ZNF827: variants seen among roughly 807,000 people sequenced by gnomAD.
ZNF827 encodes zinc finger protein 827.
In ZNF827, 13 loss-of-function variants were observed where a neutral mutation model predicts 102.4. That is an observed-to-expected ratio of 0.13 (90% CI 0.08 to 0.20). The LOEUF (loss-of-function observed/expected upper bound fraction) is 0.20, where lower values mean the gene tolerates loss of function less well. ZNF827 is among the 10% of genes least tolerant of loss of function. ZNF827 has a pLI of 1.00. For synonymous variants in ZNF827, 523 were observed against 536.2 expected (o/e 0.98, Z 0.34); for missense variants, 1,103 against 1,344.4 (o/e 0.82, Z 2.81).
At chr4:145,842,617 T>A (rs933481604) in intron 7 of ZNF827, among the ~76,000 whole-genome samples, 135 of 152,202 alleles carry the variant, frequency 8.9e-4, no homozygotes, top group Non-Finnish European at 3.1e-4. Flanking sequence ...GTTTTGTGTC[T>A]CTTCTCCCTA....
chr4:145,877,149 A>G (rs1197077331), intron 4 of ZNF827, among the ~76,000 whole-genome samples: 1 of 152,216 alleles, frequency 6.6e-6, no homozygotes, highest in Non-Finnish European at 1.5e-5. Flanking sequence ...TTACTTTACA[A>G]TAAGAACACA....
intron 8 of ZNF827, among the ~76,000 whole-genome samples, chr4:145,781,942 T>C (rs1579161014): frequency 6.6e-6 from 1 of 152,168 alleles, no homozygotes; most frequent in Non-Finnish European, 1.5e-5. Flanking sequence ...CAAGTATCAA[T>C]CATGTACTCG....
chr4:145,790,064 C>G (rs1294863067), intron 8 of ZNF827, among the ~76,000 whole-genome samples: 2 of 152,184 alleles, frequency 1.3e-5, no homozygotes, highest in Non-Finnish European at 2.9e-5. Context: ...GAATGAGACC[C>G]TTATAGTCTG....
chr4:145,889,542 A>G (rs1750415118), intron 3 of ZNF827, among the ~76,000 whole-genome samples: 2 of 148,532 alleles, frequency 1.3e-5, no homozygotes, highest in South Asian at 4.3e-4. Flanking sequence ...ATCTCTGGCT[A>G]TACTGACCCC....
chr4:145,810,205 T>C (rs942608088), intron 8 of ZNF827, among the ~76,000 whole-genome samples: 1 of 152,220 alleles, frequency 6.6e-6, no homozygotes, highest in Non-Finnish European at 1.5e-5. Context: ...ATTTGTAACC[T>C]GCTTTATAGT....
At chr4:145,778,583 G>GC in intron 9 of ZNF827, among the ~76,000 whole-genome samples, 2 of 152,156 alleles carry the variant, frequency 1.3e-5, no homozygotes, top group Non-Finnish European at 2.9e-5. Context: ...CTGCACTCCA[G>GC]TCTGGGTGAC....
intron 1 of ZNF827, among the ~76,000 whole-genome samples, chr4:145,926,452 G>T (rs1753429853): frequency 6.6e-6 from 1 of 152,124 alleles, no homozygotes; most frequent in South Asian, 2.1e-4. Flanking sequence ...ACCAATCTGG[G>T]ATTCAATACT....
chr4:145,836,555 T>C (rs1430377181), intron 7 of ZNF827, among the ~76,000 whole-genome samples: 2 of 152,230 alleles, frequency 1.3e-5, no homozygotes, highest in African/African-American at 4.8e-5. Context: ...TCACTCTTTG[T>C]TGAGTCTCCC....
chr4:145,909,871 G>C (rs552236438), intron 1 of ZNF827, among the ~76,000 whole-genome samples: 1 of 152,136 alleles, frequency 6.6e-6, no homozygotes, highest in Admixed American at 6.5e-5. Context: ...GCGTCTTCAA[G>C]GCTCCAAGTC....
chr4:145,935,632 G>C (rs544842251), intron 1 of ZNF827, among the ~76,000 whole-genome samples: 110 of 152,328 alleles, frequency 7.2e-4, no homozygotes, highest in Non-Finnish European at 1.4e-3. Flanking sequence ...TTCAGTAAAA[G>C]TGACTTTATG....
chr4:145,772,516 G>A (rs1736438957), intron 11 of ZNF827, among the ~76,000 whole-genome samples: 1 of 152,128 alleles, frequency 6.6e-6, no homozygotes, highest in Non-Finnish European at 1.5e-5. Flanking sequence ...TGAGCCTCCT[G>A]TTTTTATAAA....
In ZNF827 at chr4:145,761,561, C is replaced by A; in HGVS notation, c.*55G>T. On this transcript the variant is annotated 3_prime_UTR_variant, in exon 15 of 15. Coordinates refer to ENST00000508784, the MANE Select transcript of ZNF827 (RefSeq NM_001306215.2). This position sits in a 1 kb window ranked among gnomAD's most constrained non-coding sequence, Gnocchi z 6.8. ...TGGGTCTTGAGGTGGCACTCCATGG[C>A]AGCGGGGCGGTTGGTGGAATAAATG... 8 of 1,277,978 alleles carry A rather than the reference C, an allele frequency of 6.3e-6. No homozygotes were observed. Among genetic ancestry groups the A allele is most frequent in the Non-Finnish European group, 8.2e-6 (8 of 980,190 alleles). The allele number at this position is 1,277,978 out of a possible 1,614,324, so 79.2% of individuals were successfully genotyped here.
chr4:145,898,907 A>T (rs1233485837), intron 2 of ZNF827, among the ~76,000 whole-genome samples: 1 of 152,168 alleles, frequency 6.6e-6, no homozygotes, highest in African/African-American at 2.4e-5. Flanking sequence ...TCTAGCACAT[A>T]TCTCTTTGTA....
intron 1 of ZNF827, among the ~76,000 whole-genome samples, chr4:145,919,222 G>A (rs146662315): frequency 1.2e-4 from 19 of 152,286 alleles, no homozygotes; most frequent in Non-Finnish European, 1.9e-4. Context: ...CTGCACTCCA[G>A]CCTGGACTAT....
chr4:145,789,139 G>C (rs1305999320), intron 8 of ZNF827, among the ~76,000 whole-genome samples: 1 of 152,186 alleles, frequency 6.6e-6, no homozygotes, highest in East Asian at 1.9e-4. Context: ...GAAGATGAAA[G>C]CCATTGATAA....
intron 2 of ZNF827, among the ~76,000 whole-genome samples, chr4:145,896,784 G>A (rs1579506566): frequency 6.6e-6 from 1 of 152,268 alleles, no homozygotes; most frequent in South Asian, 2.1e-4. Context: ...TGAACCTGGA[G>A]CAGCTTATAT....
intron 1 of ZNF827, among the ~76,000 whole-genome samples, chr4:145,926,860 G>A (rs1241275145): frequency 6.6e-6 from 1 of 151,294 alleles, no homozygotes; most frequent in Non-Finnish European, 1.5e-5. Context: ...CAACAAGTAT[G>A]TGAGTAGCCA....
At chr4:145,780,192 A>AAAAC (rs143206937) in intron 8 of ZNF827, among the ~76,000 whole-genome samples, 17 of 151,138 alleles carry the variant, frequency 1.1e-4, no homozygotes, top group South Asian at 2.1e-4. Flanking sequence ...CGCTGTCTCA[A>AAAAC]AAACAAACAA....
At chr4:145,931,422 T>C (rs896941999) in intron 1 of ZNF827, among the ~76,000 whole-genome samples, 8 of 152,220 alleles carry the variant, frequency 5.3e-5, no homozygotes, top group Non-Finnish European at 1.0e-4. Flanking sequence ...TGAAATCTGA[T>C]GAAAAAAAGC....
Sources: allele counts gnomAD v4.1 joint callset (sites outside exome capture counted in the v4.1 genomes callset), GRCh38; gene constraint gnomAD v4.1.1; non-coding constraint Gnocchi (gnomAD v3.1); transcripts MANE v1.5; gene names NCBI Gene and HGNC (gene_info 2026-07-23, HGNC 2026-07-21).